Variants in RAPGEF5 observed in about 807,000 individuals in gnomAD.
The protein encoded by RAPGEF5 is M-Ras-regulated GEF.
Under a neutral mutation model 125.2 loss-of-function variants are expected in RAPGEF5, and 65 were observed. The ratio of observed to expected loss-of-function variants is 0.52; its 90% CI spans 0.43 to 0.64. RAPGEF5 has a LOEUF of 0.64. RAPGEF5 is among the 30% of genes least tolerant of loss of function. The pLI is 0.00. For missense variants in RAPGEF5, 958 were observed against 1,048.1 expected, an observed-to-expected ratio of 0.91 and a Z score of 1.19; for synonymous variants, 391 against 385.9, an observed-to-expected ratio of 1.01 and a Z score of -0.16.
intron 8 of RAPGEF5, among the ~76,000 whole-genome samples, chr7:22,221,638 G>A (rs1207772431): frequency 2.6e-5 from 4 of 152,106 alleles, no homozygotes; most frequent in African/African-American, 9.7e-5. Context: ...GAGATCTGAT[G>A]GTTTCATAAA....
At chr7:22,299,239 A>G (rs1336398754) in intron 5 of RAPGEF5, among the ~76,000 whole-genome samples, 1 of 152,128 alleles carries the variant, frequency 6.6e-6, no homozygotes, top group Non-Finnish European at 1.5e-5. Context: ...GTATTGCTTT[A>G]GCTGCATCCC....
chr7:22,234,452 G>A (rs1194186518), intron 7 of RAPGEF5, among the ~76,000 whole-genome samples: 1 of 152,198 alleles, frequency 6.6e-6, no homozygotes, highest in African/African-American at 2.4e-5. Context: ...GAGGCTAGGA[G>A]CTTCACTCTC....
chr7:22,245,936 T>A (rs146086216), intron 7 of RAPGEF5, among the ~76,000 whole-genome samples: 1 of 152,064 alleles, frequency 6.6e-6, no homozygotes, highest in Non-Finnish European at 1.5e-5. Flanking sequence ...ACACCAATAA[T>A]GTTCAGGAAG....
chr7:22,204,186 TCTC>T (rs1248576253), intron 9 of RAPGEF5, among the ~76,000 whole-genome samples: 2 of 152,288 alleles, frequency 1.3e-5, no homozygotes, highest in East Asian at 3.9e-4. Context: ...GGCTTTGACT[TCTC>T]CTCTCAAATT....
intron 6 of RAPGEF5, among the ~76,000 whole-genome samples, chr7:22,288,048 A>G (rs1049415566): frequency 2.0e-5 from 3 of 152,190 alleles, no homozygotes; most frequent in Non-Finnish European, 1.5e-5. Context: ...CATTTTCTTC[A>G]GTCTTTTAGC....
chr7:22,311,676 A>C (rs376841974), intron 3 of RAPGEF5, among the ~76,000 whole-genome samples: 1 of 152,226 alleles, frequency 6.6e-6, no homozygotes, highest in East Asian at 1.9e-4. Context: ...GTTGCAGGTT[A>C]GCATAAGACA....
intron 14 of RAPGEF5, 131 bp from the exon 15 acceptor site, chr7:22,158,016 C>G (rs895188907): frequency 1.3e-6 from 1 of 774,000 alleles, no homozygotes; most frequent in Non-Finnish European, 2.1e-6. Context: ...ACACAGTATT[C>G]ATTAATTCAC....
At chr7:22,329,659 G>A (rs905676579) in intron 1 of RAPGEF5, among the ~76,000 whole-genome samples, 1 of 152,168 alleles carries the variant, frequency 6.6e-6, no homozygotes, top group Non-Finnish European at 1.5e-5. Context: ...AGCGCTAACA[G>A]AATGGGTTCT....
At chr7:22,224,318 G>A (rs1785861034) in intron 8 of RAPGEF5, among the ~76,000 whole-genome samples, 1 of 152,146 alleles carries the variant, frequency 6.6e-6, no homozygotes, top group Admixed American at 6.5e-5. Flanking sequence ...TTTCAATGGT[G>A]TTATAAAATA....
intron 23 of RAPGEF5, among the ~76,000 whole-genome samples, chr7:22,132,132 A>G (rs1490412593): frequency 6.6e-6 from 1 of 152,226 alleles, no homozygotes; most frequent in African/African-American, 2.4e-5. Flanking sequence ...ACTCCTATAA[A>G]TAGAAAAAGA....
rs1447687641 is a variant in RAPGEF5 at position 22,357,007 on chromosome 7, G to C, written c.54C>G (p.Ala18=). ...VKMQPPCESP[A]LAAAAAVVAA... is the part of the protein sequence containing the mutation. Reference sequence around the variant, plus strand: ...CCACCACCGCCGCCGCGGCGGCCAGGGCCGGGCTCTCGCACGGCGGCTGCA... The same window carrying C: ...CCACCACCGCCGCCGCGGCGGCCAGCGCCGGGCTCTCGCACGGCGGCTGCA... Residue 18 remains alanine, a synonymous_variant, in exon 1 of 26, where the codon GCC becomes GCG. Coordinates refer to ENST00000665637, the MANE Select transcript of RAPGEF5 (RefSeq NM_012294.5). The C allele has an allele frequency of 6.8e-6, 7 of 1,026,714 alleles. No homozygotes were observed. The East Asian group carries it at 5.3e-4, about 78-fold the overall frequency. 63.6% of individuals were successfully genotyped at this position (1,026,714 alleles called of 1,614,324 possible). A position where few individuals can be genotyped will look rare whatever the true frequency, so the allele number is the denominator to read the frequency against.
chr7:22,198,890 G>C (rs1562757552), intron 9 of RAPGEF5, among the ~76,000 whole-genome samples: 1 of 152,234 alleles, frequency 6.6e-6, no homozygotes, highest in African/African-American at 2.4e-5. Context: ...AGAGCAGACA[G>C]ATGGCGAAGC....
intron 6 of RAPGEF5, among the ~76,000 whole-genome samples, chr7:22,271,489 T>C (rs561214202): frequency 3.3e-5 from 5 of 152,338 alleles, no homozygotes; most frequent in African/African-American, 1.2e-4. Context: ...TCACTTACTA[T>C]AGTAGCAGTT....
chr7:22,228,930 G>A (rs193005533), intron 8 of RAPGEF5, among the ~76,000 whole-genome samples: 37 of 152,186 alleles, frequency 2.4e-4, no homozygotes, highest in Admixed American at 1.7e-3. Flanking sequence ...CCTATGTGCC[G>A]GGATTGCCAG....
At chr7:22,188,659 G>A (rs1784895106) in intron 11 of RAPGEF5, among the ~76,000 whole-genome samples, 1 of 151,816 alleles carries the variant, frequency 6.6e-6, no homozygotes, top group Non-Finnish European at 1.5e-5. Context: ...CCAGCTACTT[G>A]GGAGGCTAAG....
rs114528960 is a variant in RAPGEF5, at chr7:22,344,388, C to G, written c.231+12442G>C. ...GCACAAAGGGACCAGTCATGACAAG[C>G]CTTGAACAGTTCGAGGCCTGACAGC... is the stretch of plus-strand genomic sequence containing the variant. On this transcript the variant is annotated intron_variant, in intron 1 of 25. Transcript: ENST00000665637. Among the ~76,000 whole-genome samples, 314 of 152,254 alleles carry G rather than the reference C, an allele frequency of 2.1e-3. 3 individuals are homozygous for G. The highest frequency in any genetic ancestry group is 7.1e-3 in the African/African-American group (294 of 41,552).
intron 7 of RAPGEF5, among the ~76,000 whole-genome samples, chr7:22,252,017 C>CA (rs1252827999): frequency 5.3e-5 from 8 of 152,146 alleles, no homozygotes; most frequent in African/African-American, 1.7e-4. Flanking sequence ...AGTTTCCTCA[C>CA]AAAAAACATG....
chr7:22,178,989 G>T (rs1372410121), intron 11 of RAPGEF5, among the ~76,000 whole-genome samples: 2 of 152,004 alleles, frequency 1.3e-5, no homozygotes, highest in East Asian at 3.9e-4. Context: ...CATTCCAAAG[G>T]TCTTAGAAAC....
At chr7:22,314,756 A>C in intron 3 of RAPGEF5, 1 of 472,046 alleles carries the variant, frequency 2.1e-6, no homozygotes. Context: ...CTAATAATTT[A>C]CTTTTGGTTT....
Sources: gnomAD v4.1 joint callset for allele counts (sites outside exome capture counted in the v4.1 genomes callset) on GRCh38, gnomAD v4.1.1 for gene constraint, MANE v1.5 for transcripts, NCBI Gene and HGNC (gene_info 2026-07-23, HGNC 2026-07-21) for gene names.